CDH13: variants seen among roughly 807,000 people sequenced by gnomAD.
CDH13 encodes the protein cadherin 13.
CDH13 carries 24 observed loss-of-function variants against 63.8 expected under a neutral mutation model. The ratio of observed to expected loss-of-function variants is 0.38; its 90% CI spans 0.27 to 0.53. CDH13 has a LOEUF of 0.53. CDH13 is among the 20% of genes least tolerant of loss of function. The pLI, the probability that CDH13 is intolerant of heterozygous loss-of-function variation, is 0.85. For missense variants in CDH13, 1,049 were observed against 903.1 expected (o/e 1.16, Z -2.07); for synonymous variants, 503 against 355.3 (o/e 1.42, Z -4.67).
At chr16:83,180,886 T>A in intron 4 of CDH13, 5 of 1,530,530 alleles carry the variant, frequency 3.3e-6, no homozygotes, top group Non-Finnish European at 4.4e-6. Context: ...CACAATCCTA[T>A]TAACAGCGAA....
At chr16:82,777,412 G>A (rs931875699) in intron 1 of CDH13, among the ~76,000 whole-genome samples, 9 of 152,128 alleles carry the variant, frequency 5.9e-5, no homozygotes, top group Admixed American at 6.6e-5. Flanking sequence ...TATTGTCACC[G>A]GGCTTTAATT....
At chr16:82,903,285 C>G (rs2041529357) in intron 2 of CDH13, among the ~76,000 whole-genome samples, 1 of 152,194 alleles carries the variant, frequency 6.6e-6, no homozygotes. Context: ...CATGGCAACC[C>G]TATTGAATCA....
intron 1 of CDH13, among the ~76,000 whole-genome samples, chr16:82,811,293 T>C (rs2151180606): frequency 6.6e-6 from 1 of 152,234 alleles, no homozygotes; most frequent in Non-Finnish European, 1.5e-5. Context: ...GATCAGGACT[T>C]TTCTTCTCAA....
chr16:82,639,073 G>A (rs756467482), intron 1 of CDH13, among the ~76,000 whole-genome samples: 7 of 152,148 alleles, frequency 4.6e-5, no homozygotes, highest in East Asian at 3.9e-4. Flanking sequence ...GGACCCATGC[G>A]TCTTTATTCC....
chr16:83,044,508 G>A (rs561315599), intron 3 of CDH13, among the ~76,000 whole-genome samples: 1 of 152,294 alleles, frequency 6.6e-6, no homozygotes, highest in East Asian at 1.9e-4. Flanking sequence ...AGAACCTTGT[G>A]GAAACAGCAC....
At chr16:83,584,882 A>T (rs1257410781) in intron 7 of CDH13, among the ~76,000 whole-genome samples, 1 of 151,294 alleles carries the variant, frequency 6.6e-6, no homozygotes, top group East Asian at 2.0e-4. Flanking sequence ...GGCACGTCAC[A>T]TGGCAAAAAC....
intron 6 of CDH13, among the ~76,000 whole-genome samples, chr16:83,415,123 A>T (rs974388490): frequency 2.0e-5 from 3 of 151,862 alleles, no homozygotes; most frequent in African/African-American, 7.3e-5. Context: ...TTCATAAGAG[A>T]CCCCTATGAA....
chr16:83,102,911 C>CTT (rs140557578), intron 3 of CDH13, among the ~76,000 whole-genome samples: 1 of 96,582 alleles, frequency 1.0e-5, no homozygotes, highest in African/African-American at 4.8e-5. Context: ...ATTAAACTTT[C>CTT]TTTTTTTTTT....
At chr16:83,029,009 G>A (rs1349779562) in intron 2 of CDH13, among the ~76,000 whole-genome samples, 1 of 152,192 alleles carries the variant, frequency 6.6e-6, no homozygotes, top group Non-Finnish European at 1.5e-5. Flanking sequence ...CACTCCATGA[G>A]CCTCAGTTTC....
intron 7 of CDH13, among the ~76,000 whole-genome samples, chr16:83,561,050 T>G (rs1567764817): frequency 1.3e-5 from 2 of 152,238 alleles, no homozygotes; most frequent in African/African-American, 4.8e-5. Flanking sequence ...AATTCTCCTC[T>G]CAGACCTTCT....
intron 5 of CDH13, among the ~76,000 whole-genome samples, chr16:83,229,564 C>T (rs186215812): frequency 8.6e-5 from 13 of 151,986 alleles, no homozygotes; most frequent in African/African-American, 2.9e-4. Flanking sequence ...TTGGCCAGAG[C>T]TGTTAGCTGT....
chr16:83,703,771 T>A (rs1906597790), intron 10 of CDH13, among the ~76,000 whole-genome samples: 1 of 152,196 alleles, frequency 6.6e-6, no homozygotes, highest in African/African-American at 2.4e-5. Flanking sequence ...GCAGACTCCC[T>A]CAGAGGTACT....
At chr16:83,045,991 G>A (rs928554533) in intron 3 of CDH13, among the ~76,000 whole-genome samples, 1 of 152,258 alleles carries the variant, frequency 6.6e-6, no homozygotes, top group African/African-American at 2.4e-5. Context: ...GCCTGGGAGT[G>A]ATGTGTGATA....
chr16:82,693,945 G>T (rs1475478755), intron 1 of CDH13, among the ~76,000 whole-genome samples: 2 of 152,130 alleles, frequency 1.3e-5, no homozygotes, highest in African/African-American at 4.8e-5. Flanking sequence ...TACAGTGAAG[G>T]CCTGGATTAA....
intron 2 of CDH13, among the ~76,000 whole-genome samples, chr16:82,993,459 T>A (rs988275915): frequency 5.9e-5 from 9 of 152,166 alleles, no homozygotes; most frequent in Non-Finnish European, 1.5e-5. Context: ...GTAAATTGAC[T>A]CCGTGAGGAC....
chr16:83,594,638 G>A (rs1907085001), intron 7 of CDH13, among the ~76,000 whole-genome samples: 1 of 152,230 alleles, frequency 6.6e-6, no homozygotes, highest in East Asian at 1.9e-4. Flanking sequence ...GAGATGTAGA[G>A]TGCAGTTCAA....
Position 82,999,537 on chromosome 16 carries a change from AAATC to A in CDH13, c.158-32467_158-32464del, listed in dbSNP as rs568807577. 6.4e-3 allele frequency among the ~76,000 whole-genome samples: 982 copies of A among 152,262 alleles called. 12 individuals are homozygous for A. The highest frequency in any genetic ancestry group is 0.018 in the African/African-American group (739 of 41,532). On this transcript the variant is annotated intron_variant, in intron 2 of 13. Coordinates refer to ENST00000567109, the MANE Select transcript of CDH13 (RefSeq NM_001257.5). The stretch of plus-strand genomic sequence containing the variant: ...AAGGCAACCATAAAACACTGGAAAA[AAATC>A]AATCAGAGGTGAATTTTTTCTTATC...
intron 3 of CDH13, among the ~76,000 whole-genome samples, chr16:83,120,232 A>G (rs1466456074): frequency 2.0e-5 from 3 of 152,106 alleles, no homozygotes; most frequent in Non-Finnish European, 2.9e-5. Context: ...GCCACTTGCC[A>G]TACTTCTGGG....
chr16:82,754,793 G>A (rs995786811), intron 1 of CDH13, among the ~76,000 whole-genome samples: 1 of 152,084 alleles, frequency 6.6e-6, no homozygotes, highest in African/African-American at 2.4e-5. Flanking sequence ...CATTTCATTT[G>A]CGTCCTTTTA....
Sources: allele counts gnomAD v4.1 joint callset (sites outside exome capture counted in the v4.1 genomes callset), GRCh38; gene constraint gnomAD v4.1.1; transcripts MANE v1.5; gene names NCBI Gene and HGNC (gene_info 2026-07-23, HGNC 2026-07-21).